Variants in KLF12 observed in about 807,000 individuals in gnomAD.
KLF12 encodes KLF transcription factor 12.
In KLF12, 9 loss-of-function variants were observed where a neutral mutation model predicts 37.8. The observed-to-expected ratio is 0.24, with a 90% CI of 0.14 to 0.42. The LOEUF (loss-of-function observed/expected upper bound fraction) is 0.42, where lower values mean the gene tolerates loss of function less well. Among genes scored for constraint, KLF12 ranks in the 10% least tolerant of loss-of-function variants. The pLI is 1.00. For synonymous variants in KLF12, 208 were observed against 202.1 expected, an observed-to-expected ratio of 1.03 and a Z score of -0.25; for missense variants, 411 against 516.0, an observed-to-expected ratio of 0.80 and a Z score of 1.97.
At position 73,851,208 on chromosome 13, in the gene KLF12, T is replaced by TA. The variant is rs1258750953; in HGVS notation, c.124-4836dup. Among the ~76,000 whole-genome samples the TA allele has an allele frequency of 2.0e-5, 3 of 152,224 alleles. No individual in the cohort carries two copies. The East Asian group carries it at 5.8e-4, about 29-fold the overall frequency. ...AGAACTAAAAATTCCAAACAGAACT[T>TA]ACTCTATTACTAAAACTATCTCAGG... On this transcript the variant is annotated intron_variant, in intron 3 of 7. Coordinates refer to ENST00000377669, the MANE Select transcript of KLF12 (RefSeq NM_007249.5).
At chr13:73,983,930 T>G (rs1315563462) in intron 2 of KLF12, among the ~76,000 whole-genome samples, 2 of 152,174 alleles carry the variant, frequency 1.3e-5, no homozygotes, top group African/African-American at 2.4e-5. Context: ...CAGGTGGTAT[T>G]CTAGGGCAGA....
At chr13:74,153,027 G>A in the KLF12 span, among the ~76,000 whole-genome samples, 1 of 151,892 alleles carries the variant, frequency 6.6e-6, no homozygotes, top group Non-Finnish European at 1.5e-5. Context: ...CTAATTAAGA[G>A]CTATTGTTTA....
chr13:73,844,891 T>C (rs1319072866), intron 4 of KLF12: 1 of 152,216 alleles, frequency 6.6e-6, no homozygotes, highest in African/African-American at 2.4e-5. Context: ...TACATACATA[T>C]TATTTACTTT....
chr13:73,930,860 ATTTTT>A (rs11432866), intron 3 of KLF12, among the ~76,000 whole-genome samples: 1 of 109,468 alleles, frequency 9.1e-6, no homozygotes, highest in Non-Finnish European at 1.7e-5. Context: ...AACTGGAAAC[ATTTTT>A]TTTTTTTTTT....
At chr13:74,041,061 C>T (rs527884131) in intron 1 of KLF12, among the ~76,000 whole-genome samples, 7 of 152,306 alleles carry the variant, frequency 4.6e-5, no homozygotes, top group African/African-American at 1.7e-4. Context: ...ATAACATCTC[C>T]AAAATTCTTT....
chr13:74,062,794 T>G (rs1873680130), intron 1 of KLF12, among the ~76,000 whole-genome samples: 1 of 152,246 alleles, frequency 6.6e-6, no homozygotes, highest in Non-Finnish European at 1.5e-5. Flanking sequence ...AAAATCCATC[T>G]AGCTCTAGAA....
chr13:73,722,189 C>A (rs1876316453), intron 6 of KLF12, among the ~76,000 whole-genome samples: 1 of 152,142 alleles, frequency 6.6e-6, no homozygotes, highest in South Asian at 2.1e-4. Flanking sequence ...AGAATGACTT[C>A]TTTGTTAGTG....
chr13:73,844,246 C>A (rs1884900771), intron 4 of KLF12, among the ~76,000 whole-genome samples: 3 of 152,178 alleles, frequency 2.0e-5, no homozygotes, highest in Admixed American at 6.5e-5. Context: ...TTTGCAATAT[C>A]ATTTCTAAAT....
At chr13:73,877,902 C>A (rs1005805796) in intron 3 of KLF12, among the ~76,000 whole-genome samples, 1 of 151,912 alleles carries the variant, frequency 6.6e-6, no homozygotes, top group Non-Finnish European at 1.5e-5. Flanking sequence ...TTTTCACGCC[C>A]AAATGTTGCC....
At chr13:73,716,876 ATCTCCAAAATCAGAATGCT>A (rs1176992189) in intron 6 of KLF12, among the ~76,000 whole-genome samples, 13 of 152,148 alleles carry the variant, frequency 8.5e-5, no homozygotes, top group African/African-American at 3.1e-4. Context: ...TATTTTAACC[ATCTCCAAAATCAGAATGCT>A]TCTTAAAATT....
At chr13:74,023,013 T>C (rs1017960563) in intron 1 of KLF12, among the ~76,000 whole-genome samples, 1 of 152,202 alleles carries the variant, frequency 6.6e-6, no homozygotes, top group Non-Finnish European at 1.5e-5. Context: ...GCCAACAAAC[T>C]GATTCTAATG....
intron 3 of KLF12, among the ~76,000 whole-genome samples, chr13:73,919,949 A>G (rs1889035789): frequency 6.6e-6 from 1 of 152,144 alleles, no homozygotes; most frequent in Admixed American, 6.5e-5. Context: ...CAACTTATAG[A>G]AAGGAAGTCC....
chr13:74,135,748 G>C (rs761674138), upstream of KLF12, among the ~76,000 whole-genome samples: 4 of 152,190 alleles, frequency 2.6e-5, no homozygotes, highest in Non-Finnish European at 4.4e-5. Context: ...AGGGCTGTGG[G>C]AAGGCCGGGA....
At chr13:73,886,695 G>C (rs566289867) in intron 3 of KLF12, among the ~76,000 whole-genome samples, 12 of 152,132 alleles carry the variant, frequency 7.9e-5, no homozygotes, top group Middle Eastern at 3.4e-3. Context: ...AAAATGTAAA[G>C]AAAATAAAAG....
chr13:73,898,118 G>A (rs772120552), intron 3 of KLF12, among the ~76,000 whole-genome samples: 18 of 152,074 alleles, frequency 1.2e-4, no homozygotes, highest in Non-Finnish European at 2.2e-4. Flanking sequence ...CTTCCTCTAG[G>A]AGAGATTACT....
intron 1 of KLF12, among the ~76,000 whole-genome samples, chr13:74,108,563 T>C (rs902909795): frequency 6.6e-6 from 1 of 152,182 alleles, no homozygotes; most frequent in African/African-American, 2.4e-5. Context: ...AATCCACGTA[T>C]ATCTTTTGAC....
intron 1 of KLF12, among the ~76,000 whole-genome samples, chr13:74,034,230 T>C (rs1324241668): frequency 6.8e-6 from 1 of 146,204 alleles, no homozygotes; most frequent in Non-Finnish European, 1.5e-5. Context: ...GCCTGGCGAA[T>C]TTTTTGTATT....
intron 2 of KLF12, among the ~76,000 whole-genome samples, chr13:73,974,686 A>T (rs1891456471): frequency 6.6e-6 from 1 of 152,202 alleles, no homozygotes; most frequent in Non-Finnish European, 1.5e-5. Flanking sequence ...AGTCAATTGG[A>T]ACTTAGAGTA....
intron 4 of KLF12, among the ~76,000 whole-genome samples, chr13:73,835,431 G>GA (rs745601856): frequency 1.3e-5 from 2 of 152,010 alleles, no homozygotes; most frequent in Non-Finnish European, 2.9e-5. Flanking sequence ...ATATGAAAGA[G>GA]AAAAATCAAG....
Sources: allele counts gnomAD v4.1 joint callset (sites outside exome capture counted in the v4.1 genomes callset), GRCh38; gene constraint gnomAD v4.1.1; transcripts MANE v1.5; gene names NCBI Gene and HGNC (gene_info 2026-07-23, HGNC 2026-07-21).